The following CHRM1 variants were observed in gnomAD, a reference collection of about 807,000 sequenced individuals.
CHRM1 encodes muscarinic acetylcholine receptor M1.
Under a neutral mutation model 31.6 loss-of-function variants are expected in CHRM1, and 5 were observed. The observed-to-expected ratio is 0.16, with a 90% CI of 0.08 to 0.33. The LOEUF (loss-of-function observed/expected upper bound fraction) is 0.33. CHRM1 is among the 10% of genes least tolerant of loss of function. The probability of loss-of-function intolerance (pLI) is 1.00; values close to 1 mark genes in which losing one functional copy is unlikely to be tolerated. For synonymous variants in CHRM1, 227 were observed against 249.7 expected (o/e 0.91, Z 0.86); for missense variants, 338 against 610.3 (o/e 0.55, Z 4.70).
chr11:62,918,878 G>A (rs577093918), intron 1 of CHRM1, among the ~76,000 whole-genome samples: 13 of 152,226 alleles, frequency 8.5e-5, no homozygotes, highest in African/African-American at 1.9e-4. Flanking sequence ...TGAACGTACC[G>A]CTGGCCAAAG....
In CHRM1 at chr11:62,911,945, T is replaced by C. The variant is rs190094590; in HGVS notation, c.-78-767A>G. Among the ~76,000 whole-genome samples, 5 of 152,250 alleles carry C rather than the reference T, an allele frequency of 3.3e-5. No homozygotes were observed. In the East Asian group the frequency reaches 7.7e-4, roughly 23 times the overall value. On this transcript the variant is annotated intron_variant, in intron 1 of 1. Coordinates refer to ENST00000306960, the MANE Select transcript of CHRM1 (RefSeq NM_000738.3). Reference sequence around the variant, plus strand: ...AGGGGTGTGTGCGTGCATGTATTTTTTTCTGCACGTTTTTCTGCGCATGCG... The same window carrying C: ...AGGGGTGTGTGCGTGCATGTATTTTCTTCTGCACGTTTTTCTGCGCATGCG...
intron 1 of CHRM1, among the ~76,000 whole-genome samples, chr11:62,920,453 G>T (rs1042644333): frequency 2.0e-5 from 3 of 152,112 alleles, no homozygotes; most frequent in Non-Finnish European, 4.4e-5. Context: ...TGAGTACCTG[G>T]CGTGGGTGCC....
chr11:62,920,044 C>T (rs1271140863), intron 1 of CHRM1, among the ~76,000 whole-genome samples: 1 of 152,220 alleles, frequency 6.6e-6, no homozygotes, highest in African/African-American at 2.4e-5. Flanking sequence ...CAGCCCATTT[C>T]ACTATCTCCT....
At chr11:62,916,388 G>A (rs1045499624) in intron 1 of CHRM1, among the ~76,000 whole-genome samples, 4 of 152,178 alleles carry the variant, frequency 2.6e-5, no homozygotes, top group Non-Finnish European at 5.9e-5. Context: ...CTCAGATTGC[G>A]AATACGGTGC....
Position 62,910,539 on chromosome 11 carries a change from T to G in CHRM1, c.562A>C (p.Ile188Leu), listed in dbSNP as rs754003908. ...GCAGCCATGGCTGTGCCAAAGGTGA[T>G]GATGGGCTGGGAGAGGAACTGGATG... ...CYIQFLSQPI[I>L]TFGTAMAAFY... Residue 188 changes from isoleucine to leucine, a missense_variant, in exon 2 of 2, where the codon ATC (isoleucine) becomes CTC (leucine). Ile to Leu is a conservative substitution (Grantham distance 5). Coordinates refer to ENST00000306960, the MANE Select transcript of CHRM1 (RefSeq NM_000738.3). This position sits in a 1 kb window ranked among gnomAD's most constrained non-coding sequence, Gnocchi z 8.7. The G allele has an allele frequency of 1.9e-6, 3 of 1,614,002 alleles. No homozygotes were observed. Among genetic ancestry groups the G allele is most frequent in the African/African-American group, 2.7e-5 (2 of 74,908 alleles).
chr11:62,909,466 T>C lies in CHRM1; in HGVS notation c.*252A>G, dbSNP rs2085855226. The C allele has an allele frequency of 1.9e-6, 1 of 525,922 alleles. No homozygotes were observed. Among genetic ancestry groups the C allele is most frequent in the Non-Finnish European group, 3.4e-6 (1 of 297,266 alleles). The allele number at this position is 525,922 out of a possible 1,614,324, so 32.6% of individuals were successfully genotyped here. A position where few individuals can be genotyped will look rare whatever the true frequency, so the allele number is the denominator to read the frequency against. On this transcript the variant is annotated 3_prime_UTR_variant, in exon 2 of 2. Coordinates refer to ENST00000306960, the MANE Select transcript of CHRM1 (RefSeq NM_000738.3). ...GCCCGGATCCTCCTCCCGGGCCTTC[T>C]TCCTGGTGAAGAGCGCATTCCCACC... is the stretch of plus-strand genomic sequence containing the variant.
Position 62,909,481 on chromosome 11 carries a change from G to A in CHRM1, c.*237C>T, listed in dbSNP as rs113843719. The A allele has an allele frequency of 4.9e-5, 27 of 556,376 alleles. No individual in the cohort carries two copies. The highest frequency in any genetic ancestry group is 7.3e-5 in the Non-Finnish European group (23 of 314,620). 34.5% of individuals were successfully genotyped at this position (556,376 alleles called of 1,614,324 possible). On this transcript the variant is annotated 3_prime_UTR_variant, in exon 2 of 2. Coordinates refer to ENST00000306960, the MANE Select transcript of CHRM1 (RefSeq NM_000738.3). ...CCGGGCCTTCTTCCTGGTGAAGAGC[G>A]CATTCCCACCCAGCAGGGAACAGAA...
chr11:62,911,289 G>A (rs2085869882), intron 1 of CHRM1, 111 bp from the exon 2 acceptor site: 3 of 610,004 alleles, frequency 4.9e-6, no homozygotes, highest in African/African-American at 3.7e-5. Flanking sequence ...AGACCAGATA[G>A]CATCACCCTC....
intron 1 of CHRM1, among the ~76,000 whole-genome samples, chr11:62,915,269 A>G (rs527269859): frequency 9.9e-5 from 15 of 151,828 alleles, no homozygotes; most frequent in Non-Finnish European, 2.1e-4. Flanking sequence ...CTTGCCTCCA[A>G]TGCGAAATGT....
intron 1 of CHRM1, among the ~76,000 whole-genome samples, chr11:62,912,291 C>T (rs1380109649): frequency 6.8e-6 from 1 of 148,090 alleles, no homozygotes; most frequent in Non-Finnish European, 1.5e-5. Context: ...TCGTTTGAAC[C>T]TGGGAGGCGG....
chr11:62,910,267 CTCT>C lies in CHRM1; in HGVS notation c.831_833del (p.Glu280del). On this transcript the variant is annotated inframe_deletion, in exon 2 of 2. Coordinates refer to ENST00000306960, the MANE Select transcript of CHRM1 (RefSeq NM_000738.3). This position sits in a 1 kb window ranked among gnomAD's most constrained non-coding sequence, Gnocchi z 8.7. ...ACTCCATGGAGCCTTCGTCCTCTTC[CTCT>C]TCTTCCTTCCAGCTGTAGGCCTGCA... 1.2e-6 allele frequency: 2 copies of C among 1,613,566 alleles called. No homozygotes were observed.
At chr11:62,912,506 G>C (rs1216216059) in intron 1 of CHRM1, among the ~76,000 whole-genome samples, 1 of 152,184 alleles carries the variant, frequency 6.6e-6, no homozygotes, top group African/African-American at 2.4e-5. Flanking sequence ...CCCTCTCCTG[G>C]CTCTGTTCCT....
At chr11:62,915,272 C>T (rs540705676) in intron 1 of CHRM1, among the ~76,000 whole-genome samples, 27 of 150,154 alleles carry the variant, frequency 1.8e-4, no homozygotes, top group Admixed American at 7.3e-4. Context: ...GCCTCCAATG[C>T]GAAATGTATG....
chr11:62,920,147 A>G (rs2085925162), intron 1 of CHRM1, among the ~76,000 whole-genome samples: 1 of 152,186 alleles, frequency 6.6e-6, no homozygotes, highest in Non-Finnish European at 1.5e-5. Flanking sequence ...CCCACTGAAC[A>G]GCTGATTACC....
rs1277014579 is a variant in CHRM1, at chr11:62,909,199, T to G, written c.*519A>C. ...GACATTTGTGGACAATCCTGGAGAG[T>G]ATGCCTAGGGCCCAGGTGGGCGGGC... On this transcript the variant is annotated 3_prime_UTR_variant, in exon 2 of 2. Coordinates refer to ENST00000306960, the MANE Select transcript of CHRM1 (RefSeq NM_000738.3). 6.1e-6 allele frequency: 1 copy of G among 164,026 alleles called. No homozygotes were observed. Among genetic ancestry groups the G allele is most frequent in the African/African-American group, 2.4e-5 (1 of 41,476 alleles). The allele number at this position is 164,026 out of a possible 1,614,324, so 10.2% of individuals were successfully genotyped here.
At chr11:62,913,749 A>T (rs1424229582) in intron 1 of CHRM1, among the ~76,000 whole-genome samples, 1 of 151,622 alleles carries the variant, frequency 6.6e-6, no homozygotes. Flanking sequence ...CATTGTTGTT[A>T]TTGAGAGCTC....
intron 1 of CHRM1, among the ~76,000 whole-genome samples, chr11:62,917,182 A>G (rs1413347161): frequency 6.6e-6 from 1 of 152,164 alleles, no homozygotes; most frequent in Non-Finnish European, 1.5e-5. Context: ...GATCAGTGAG[A>G]TGGTGGCTGT....
intron 1 of CHRM1, among the ~76,000 whole-genome samples, chr11:62,917,555 G>A (rs2135047396): frequency 6.6e-6 from 1 of 152,260 alleles, no homozygotes. Flanking sequence ...GGAATGGGGT[G>A]AACTCCTAGG....
rs771596501 is a variant in CHRM1, at chr11:62,910,248, T to C, written c.853A>G (p.Met285Val). 64 of 1,613,402 alleles carry C rather than the reference T, an allele frequency of 4.0e-5. 1 individual carries two copies. Among genetic ancestry groups the C allele is most frequent in the Admixed American group, 2.3e-4 (14 of 59,974 alleles). ...CCCTCTGAGGATGTGAGGGACTCCATGGAGCCTTCGTCCTCTTCCTCTTCT... is the reference window on the plus strand; with the variant it reads ...CCCTCTGAGGATGTGAGGGACTCCACGGAGCCTTCGTCCTCTTCCTCTTCT... ...KEEEEEDEGSMESLTSSEGEE... is the reference protein window; with the variant it reads ...KEEEEEDEGSVESLTSSEGEE... Residue 285 changes from methionine (M) to valine (V), a missense_variant, in exon 2 of 2, where the codon ATG becomes GTG. This residue lies in a region of CHRM1 where 183 missense variants were observed against 223.4 expected (regional missense o/e 0.82). Transcript: ENST00000306960. This position sits in a 1 kb window ranked among gnomAD's most constrained non-coding sequence, Gnocchi z 8.7.
Sources: allele counts gnomAD v4.1 joint callset (sites outside exome capture counted in the v4.1 genomes callset), GRCh38; gene constraint gnomAD v4.1.1; regional missense constraint gnomAD v4.1.1; non-coding constraint Gnocchi (gnomAD v3.1); transcripts MANE v1.5; gene names NCBI Gene and HGNC (gene_info 2026-07-23, HGNC 2026-07-21).